AAMDC: variants seen among roughly 807,000 people sequenced by gnomAD.
AAMDC encodes adipogenesis associated Mth938 domain containing.
In AAMDC, 16 loss-of-function variants were observed where a neutral mutation model predicts 15.5. That is an observed-to-expected ratio of 1.03 (90% CI 0.70 to 1.57). AAMDC has a LOEUF of 1.57. AAMDC is among the 40% of genes most tolerant of loss of function. AAMDC has a pLI of 0.00. For synonymous variants in AAMDC, 51 were observed against 51.6 expected (o/e 0.99, Z 0.05); for missense variants, 141 against 144.9 (o/e 0.97, Z 0.14).
intron 1 of AAMDC, among the ~76,000 whole-genome samples, chr11:77,835,368 ATTC>A (rs1949636601): frequency 6.6e-6 from 1 of 152,096 alleles, no homozygotes; most frequent in Admixed American, 6.6e-5. Flanking sequence ...AAGCCACCTA[ATTC>A]CTAGACTTTG....
At chr11:77,889,041 G>C (rs567714451) in intron 5 of AAMDC, among the ~76,000 whole-genome samples, 70 of 152,308 alleles carry the variant, frequency 4.6e-4, no homozygotes, top group African/African-American at 1.6e-3. Flanking sequence ...TCTAGAACTA[G>C]AAATACCATT....
At chr11:77,885,554 C>G (rs1951968411) in intron 5 of AAMDC, among the ~76,000 whole-genome samples, 1 of 151,990 alleles carries the variant, frequency 6.6e-6, no homozygotes, top group South Asian at 2.1e-4. Flanking sequence ...CACAGTGGCT[C>G]ACACCTGTAA....
chr11:77,900,778 A>T, downstream of AAMDC: 1 of 597,568 alleles, frequency 1.7e-6, no homozygotes, highest in East Asian at 2.8e-5. Context: ...AATCAATGAA[A>T]TGTGGCAATT....
rs1308465860 is a variant in AAMDC at position 77,891,166 on chromosome 11, T to G, written c.329-9405T>G. On this transcript the variant is annotated intron_variant, in intron 5 of 5. Coordinates refer to the AAMDC transcript ENST00000304716. Reference sequence around the variant, plus strand: ...TGCTCCAAACCACACTCAGCAGTAGTTGAGATTCAAGCCTAGGTTCTTTCC... The same window carrying G: ...TGCTCCAAACCACACTCAGCAGTAGGTGAGATTCAAGCCTAGGTTCTTTCC... Among the ~76,000 whole-genome samples the G allele has an allele frequency of 3.3e-5, 5 of 152,316 alleles. No individual in the cohort carries two copies. In the East Asian group the frequency reaches 9.6e-4, roughly 29 times the overall value.
chr11:77,886,097 T>C (rs553046465), intron 5 of AAMDC, among the ~76,000 whole-genome samples: 1 of 151,566 alleles, frequency 6.6e-6, no homozygotes, highest in Non-Finnish European at 1.5e-5. Context: ...TTCCAGCTAC[T>C]CAGGAGGCTG....
chr11:77,862,313 A>G (rs1950916415), intron 2 of AAMDC, among the ~76,000 whole-genome samples: 1 of 152,200 alleles, frequency 6.6e-6, no homozygotes, highest in Admixed American at 6.5e-5. Context: ...TTAGTGTCTG[A>G]TTTAGCAGTA....
chr11:77,821,570 G>A (rs1427955336), intron 1 of AAMDC, among the ~76,000 whole-genome samples: 4 of 152,140 alleles, frequency 2.6e-5, no homozygotes, highest in Non-Finnish European at 1.5e-5. Flanking sequence ...GATCTGAGGA[G>A]ACCAGGCTCT....
At position 77,872,166 on chromosome 11, in the gene AAMDC, C is replaced by T. The variant is rs771928726; in HGVS notation, c.229-9C>T. 6.2e-7 allele frequency: 1 copy of T among 1,610,022 alleles called. No homozygotes were observed. The highest frequency in any genetic ancestry group is 1.7e-5 in the Admixed American group (1 of 59,268). On this transcript the variant is annotated splice_polypyrimidine_tract_variant and intron_variant, in intron 3 of 3. Transcript: ENST00000393427. ...CCCCTACTTACTCATCTCTTTTCCA[C>T]CTTCCCAGGTGCCTTCATCAACTGT...
At chr11:77,862,451 G>A (rs1472439357) in intron 2 of AAMDC, among the ~76,000 whole-genome samples, 1 of 152,200 alleles carries the variant, frequency 6.6e-6, no homozygotes, top group African/African-American at 2.4e-5. Context: ...AGAGAAAAAG[G>A]TACGTGTACT....
At chr11:77,879,093 G>T in intron 5 of AAMDC, 1 of 1,614,088 alleles carries the variant, frequency 6.2e-7, no homozygotes, top group South Asian at 1.1e-5. Context: ...TGGAGTTGTA[G>T]GCCAGCAGCA....
intron 1 of AAMDC, among the ~76,000 whole-genome samples, chr11:77,836,307 G>A (rs1462996083): frequency 1.3e-5 from 2 of 152,110 alleles, no homozygotes; most frequent in African/African-American, 2.4e-5. Flanking sequence ...CTTCAAGGAG[G>A]TAGTTAAAAT....
intron 5 of AAMDC, among the ~76,000 whole-genome samples, chr11:77,888,870 G>A (rs10899414): frequency 0.38 from 57,601 of 151,854 alleles, 11,339 homozygotes; most frequent in African/African-American, 0.46. Flanking sequence ...CAAAACCACA[G>A]TGAGATACCA....
At chr11:77,857,834 C>T (rs1417544522) in intron 2 of AAMDC, among the ~76,000 whole-genome samples, 3 of 151,726 alleles carry the variant, frequency 2.0e-5, no homozygotes, top group Admixed American at 6.6e-5. Flanking sequence ...GTAGCTGGGA[C>T]GACAGGTGCG....
At chr11:77,880,067 G>A (rs1410049585) in intron 5 of AAMDC, among the ~76,000 whole-genome samples, 1 of 152,194 alleles carries the variant, frequency 6.6e-6, no homozygotes, top group East Asian at 1.9e-4. Context: ...AGAAGAGGGA[G>A]AGAATTTCAG....
At chr11:77,868,822 C>A in intron 2 of AAMDC, 1 of 211,542 alleles carries the variant, frequency 4.7e-6, no homozygotes, top group Non-Finnish European at 1.0e-5. Flanking sequence ...AATTTGAACC[C>A]GGGTACCTTT....
At chr11:77,847,877 C>T (rs1201686883) in intron 2 of AAMDC, among the ~76,000 whole-genome samples, 4 of 152,130 alleles carry the variant, frequency 2.6e-5, no homozygotes, top group African/African-American at 4.8e-5. Context: ...GTCCTAAAAA[C>T]CCCGGGAGCT....
At chr11:77,827,428 G>C (rs548348512) in intron 1 of AAMDC, among the ~76,000 whole-genome samples, 1 of 152,142 alleles carries the variant, frequency 6.6e-6, no homozygotes, top group South Asian at 2.1e-4. Context: ...ATATAAAAAG[G>C]ATTATACACC....
downstream of AAMDC, among the ~76,000 whole-genome samples, chr11:77,872,861 G>A (rs186678989): frequency 7.9e-5 from 12 of 152,348 alleles, no homozygotes; most frequent in Admixed American, 7.8e-4. Context: ...GGCAGCAGGA[G>A]GATCACTTGA....
At chr11:77,866,098 T>C (rs916621765) in intron 2 of AAMDC, among the ~76,000 whole-genome samples, 3 of 152,196 alleles carry the variant, frequency 2.0e-5, no homozygotes, top group African/African-American at 4.8e-5. Flanking sequence ...CCATTTATGC[T>C]CACTTAATTT....
Sources: gnomAD v4.1 joint callset for allele counts (sites outside exome capture counted in the v4.1 genomes callset) on GRCh38, gnomAD v4.1.1 for gene constraint, MANE v1.5 for transcripts, NCBI Gene and HGNC (gene_info 2026-07-23, HGNC 2026-07-21) for gene names.